Variants in KCNN2 observed in about 807,000 individuals in gnomAD.
KCNN2 encodes small conductance calcium-activated potassium channel protein 2.
A neutral mutation model predicts 55.5 loss-of-function variants in KCNN2; 24 were observed. That is an observed-to-expected ratio of 0.43 (90% CI 0.31 to 0.61). The LOEUF (loss-of-function observed/expected upper bound fraction) is 0.61. Ranked by LOEUF, KCNN2 falls within the 20% of genes least tolerant of loss-of-function variation. The pLI is 0.08. For missense variants in KCNN2, 754 were observed against 853.6 expected, an observed-to-expected ratio of 0.88 and a Z score of 1.45; for synonymous variants, 431 against 336.1, an observed-to-expected ratio of 1.28 and a Z score of -3.09.
chr5:114,199,180 C>T (rs576834049), intron 1 of KCNN2, among the ~76,000 whole-genome samples: 1 of 152,074 alleles, frequency 6.6e-6, no homozygotes, highest in East Asian at 1.9e-4. Flanking sequence ...GCATAATGAC[C>T]TTTGTCATTT....
chr5:114,064,577 C>T (rs1750403260), intron 1 of KCNN2, among the ~76,000 whole-genome samples: 1 of 152,124 alleles, frequency 6.6e-6, no homozygotes, highest in African/African-American at 2.4e-5. Context: ...GGCGAGTGAC[C>T]CCAGCTAATG....
intron 1 of KCNN2, among the ~76,000 whole-genome samples, chr5:114,076,299 T>G (rs2112533336): frequency 6.6e-6 from 1 of 152,352 alleles, no homozygotes; most frequent in South Asian, 2.1e-4. Context: ...GATGACAGCC[T>G]TCTTGGTATC....
At chr5:114,327,418 C>T (rs183138103) in intron 2 of KCNN2, among the ~76,000 whole-genome samples, 22 of 152,324 alleles carry the variant, frequency 1.4e-4, no homozygotes, top group Non-Finnish European at 2.6e-4. Context: ...ACTTTTGGTG[C>T]AGTGCTTTTT....
chr5:114,056,481 A>T (rs892407085), exon 1 of KCNN2: 1 of 398,338 alleles, frequency 2.5e-6, no homozygotes, highest in Non-Finnish European at 4.4e-6. Context: ...ATGGAGCGGG[A>T]CTCCTGGTTG....
intron 1 of KCNN2, among the ~76,000 whole-genome samples, chr5:114,137,936 A>C (rs1434916304): frequency 6.6e-6 from 1 of 152,178 alleles, no homozygotes; most frequent in African/African-American, 2.4e-5. Context: ...TGGAAACATT[A>C]AAGAATATTT....
At chr5:114,467,762 T>C (rs2150119976) in intron 4 of KCNN2, among the ~76,000 whole-genome samples, 1 of 152,276 alleles carries the variant, frequency 6.6e-6, no homozygotes, top group East Asian at 1.9e-4. Context: ...TGGAAGTTGT[T>C]GTGACCTTTT....
intron 2 of KCNN2, among the ~76,000 whole-genome samples, chr5:114,380,567 T>A (rs1758088034): frequency 6.6e-6 from 1 of 152,216 alleles, no homozygotes; most frequent in Admixed American, 6.5e-5. Context: ...ATAAGGCCCA[T>A]CTCATGAGCT....
intron 1 of KCNN2, among the ~76,000 whole-genome samples, chr5:114,145,449 C>G (rs939612005): frequency 2.6e-5 from 4 of 152,128 alleles, no homozygotes; most frequent in Non-Finnish European, 4.4e-5. Flanking sequence ...CTATTTTGAT[C>G]TGCCTTAGAA....
intron 1 of KCNN2, among the ~76,000 whole-genome samples, chr5:114,194,519 A>T (rs1321872855): frequency 2.0e-5 from 3 of 151,984 alleles, no homozygotes; most frequent in African/African-American, 7.2e-5. Context: ...GTCTATTCAG[A>T]TTCTTTGCCT....
chr5:114,492,167 T>C (rs1284329102), intron 6 of KCNN2, among the ~76,000 whole-genome samples: 2 of 152,284 alleles, frequency 1.3e-5, no homozygotes, highest in Admixed American at 6.5e-5. Context: ...ATCTTCACTG[T>C]AGAGCAGATT....
chr5:114,173,249 A>T (rs1753072208), intron 1 of KCNN2, among the ~76,000 whole-genome samples: 1 of 151,744 alleles, frequency 6.6e-6, no homozygotes, highest in Admixed American at 6.6e-5. Flanking sequence ...TAGGTGTATG[A>T]ATTTGTTTCA....
At chr5:114,148,320 A>G (rs930274924) in intron 1 of KCNN2, among the ~76,000 whole-genome samples, 5 of 152,178 alleles carry the variant, frequency 3.3e-5, no homozygotes, top group African/African-American at 2.4e-5. Flanking sequence ...GTCTGTTACC[A>G]TCCTCCATTT....
At position 114,108,959 on chromosome 5, in the gene KCNN2, G is replaced by A. The variant is rs78460762; in HGVS notation, c.-271+52459G>A. 1.1e-3 allele frequency among the ~76,000 whole-genome samples: 171 copies of A among 152,134 alleles called. 1 individual carries two copies. Among genetic ancestry groups the A allele is most frequent in the Admixed American group, 1.6e-3 (24 of 15,264 alleles). ...ATTTGCCAAAGAGTTTTCCAGAGTG[G>A]TTTATTTATTTTATATTTCCAGTAT... On this transcript the variant is annotated intron_variant, in intron 1 of 10. Coordinates refer to the KCNN2 transcript ENST00000512097.
At chr5:114,338,138 T>C (rs900627821) in intron 2 of KCNN2, among the ~76,000 whole-genome samples, 1 of 152,196 alleles carries the variant, frequency 6.6e-6, no homozygotes, top group African/African-American at 2.4e-5. Flanking sequence ...TTAACATCTA[T>C]ATTTTAAGTC....
At position 114,137,398 on chromosome 5, in the gene KCNN2, A is replaced by G. The variant is rs963551204; in HGVS notation, c.-271+80898A>G. Reference sequence around the variant, plus strand: ...ATTCCTCTGATCCTTCCCTGCGTATATACTTAGTCCTTCATGCACACATCA... The same window carrying G: ...ATTCCTCTGATCCTTCCCTGCGTATGTACTTAGTCCTTCATGCACACATCA... On this transcript the variant is annotated intron_variant, in intron 1 of 10. Coordinates refer to the KCNN2 transcript ENST00000512097. 2.0e-5 allele frequency among the ~76,000 whole-genome samples: 3 copies of G among 152,202 alleles called. No homozygotes were observed. The East Asian group carries it at 5.8e-4, about 29-fold the overall frequency.
intron 5 of KCNN2, among the ~76,000 whole-genome samples, chr5:114,479,282 A>G (rs538613214): frequency 1.3e-5 from 2 of 152,206 alleles, no homozygotes; most frequent in African/African-American, 4.8e-5. Flanking sequence ...CTGACAAAAG[A>G]GACTTCAAAC....
At chr5:114,400,065 A>C (rs1466380264) in intron 2 of KCNN2, among the ~76,000 whole-genome samples, 1 of 149,288 alleles carries the variant, frequency 6.7e-6, no homozygotes, top group East Asian at 2.0e-4. Context: ...CAAATAGCCA[A>C]CTCCTTGATT....
At chr5:114,198,064 C>G (rs1368715797) in intron 1 of KCNN2, among the ~76,000 whole-genome samples, 2 of 151,862 alleles carry the variant, frequency 1.3e-5, no homozygotes, top group East Asian at 3.9e-4. Context: ...TCCTGCTCCT[C>G]CCCCCACTTT....
At chr5:114,222,901 G>A (rs1754170139) in intron 2 of KCNN2, among the ~76,000 whole-genome samples, 1 of 152,092 alleles carries the variant, frequency 6.6e-6, no homozygotes, top group African/African-American at 2.4e-5. Flanking sequence ...TGCTGTGAGT[G>A]AGCTGCCACA....
Sources: gnomAD v4.1 joint callset for allele counts (sites outside exome capture counted in the v4.1 genomes callset) on GRCh38, gnomAD v4.1.1 for gene constraint, MANE v1.5 for transcripts, NCBI Gene and HGNC (gene_info 2026-07-23, HGNC 2026-07-21) for gene names.